The following BLZF1 variants were observed in gnomAD, a reference collection of about 807,000 sequenced individuals.
BLZF1 encodes the protein basic leucine zipper nuclear factor 1, also known as golgin-45.
BLZF1 carries 39 observed loss-of-function variants against 43.8 expected under a neutral mutation model. That is an observed-to-expected ratio of 0.89 (90% CI 0.69 to 1.16). BLZF1 has a LOEUF of 1.16. Among genes scored for constraint, BLZF1 ranks in the 50% most tolerant of loss-of-function variants. The pLI is 0.00. For synonymous variants in BLZF1, 136 were observed against 159.4 expected, an observed-to-expected ratio of 0.85 and a Z score of 1.11; for missense variants, 449 against 469.8, an observed-to-expected ratio of 0.96 and a Z score of 0.41.
chr1:169,369,276 C>T (rs1260322096), intron 1 of BLZF1, among the ~76,000 whole-genome samples, 197 bp from the exon 2 acceptor site: 1 of 101,438 alleles, frequency 9.9e-6, no homozygotes, highest in East Asian at 3.8e-4. Flanking sequence ...AAGTAAACCA[C>T]CCCTAATTTT....
At chr1:169,375,393 C>A (rs1395103251) in intron 2 of BLZF1, among the ~76,000 whole-genome samples, 3 of 85,834 alleles carry the variant, frequency 3.5e-5, no homozygotes, top group Admixed American at 1.1e-4. Context: ...ATATATAAAA[C>A]ATATATATAT....
At chr1:169,386,389 A>G (rs1343460093) in intron 6 of BLZF1, among the ~76,000 whole-genome samples, 1 of 152,196 alleles carries the variant, frequency 6.6e-6, no homozygotes, top group Non-Finnish European at 1.5e-5. Context: ...AGGAAAAGAA[A>G]TTGACATCAC....
Position 169,388,229 on chromosome 1 carries a change from G to A in BLZF1, c.*1047G>A, listed in dbSNP as rs1436806620. On this transcript the variant is annotated 3_prime_UTR_variant, in exon 7 of 7. Coordinates refer to ENST00000367808, the MANE Select transcript of BLZF1 (RefSeq NM_001320973.2). ...CTGGTCAAATAATAATAATTTTAAT[G>A]TCAATGATTTTTTTTGTCTGACTCA... is the stretch of plus-strand genomic sequence containing the variant. 6.6e-6 allele frequency: 1 copy of A among 152,126 alleles called. No homozygotes were observed. The highest frequency in any genetic ancestry group is 1.5e-5 in the Non-Finnish European group (1 of 68,000). The allele number at this position is 152,126 out of a possible 1,614,324, so 9.4% of individuals were successfully genotyped here.
In BLZF1 at chr1:169,382,241, T is replaced by G. The variant is rs151227755; in HGVS notation, c.977T>G (p.Val326Gly). The change falls in exon 6 of 7, where the codon GTT becomes GGT. Residue 326 changes from valine to glycine, a missense_variant. Coordinates refer to ENST00000367808, the MANE Select transcript of BLZF1 (RefSeq NM_001320973.2). The part of the protein sequence containing the change: ...INNQKKIPST[V>G]EFCSTPAEKM... ...AATCAAAAAAAGATTCCATCAACAG[T>G]TGAATTCTGCAGCACCCCAGCTGAG... The G allele has an allele frequency of 2.5e-6, 4 of 1,613,640 alleles. No homozygotes were observed. The African/African-American group carries it at 5.3e-5, about 22-fold the overall frequency.
chr1:169,392,949 A>C (rs560178370), downstream of BLZF1, among the ~76,000 whole-genome samples: 55 of 152,264 alleles, frequency 3.6e-4, 1 homozygote, highest in African/African-American at 1.3e-3. Flanking sequence ...GCATCCTTTT[A>C]AAAAGAGAAA....
downstream of BLZF1, among the ~76,000 whole-genome samples, chr1:169,389,627 A>C (rs1182568955): frequency 6.6e-6 from 1 of 152,268 alleles, no homozygotes; most frequent in Non-Finnish European, 1.5e-5. Flanking sequence ...AAAAGAAAGC[A>C]GAAACTAGAA....
chr1:169,380,584 C>T lies in BLZF1; in HGVS notation c.772C>T (p.Arg258Cys), dbSNP rs138245508. 158 of 1,612,562 alleles carry T rather than the reference C, an allele frequency of 9.8e-5. No homozygotes were observed. Among genetic ancestry groups the T allele is most frequent in the Non-Finnish European group, 1.2e-4 (140 of 1,179,012 alleles). Residue 258 changes from arginine to cysteine, a missense_variant, in exon 5 of 7, where the codon CGT becomes TGT. By Grantham distance (180) the Arg-to-Cys change is radical. Transcript: ENST00000367808. ...TCTCCTAAGTGAACGGGAACAGTTTCGTCAAGAAATGATAGCTACCCAGAA... is the reference window on the plus strand; with the variant it reads ...TCTCCTAAGTGAACGGGAACAGTTTTGTCAAGAAATGATAGCTACCCAGAA... ...QDLLSEREQF[R>C]QEMIATQKLL... is the part of the protein sequence containing the mutation.
In BLZF1 at chr1:169,376,803, A is replaced by G; in HGVS notation, c.292A>G (p.Lys98Glu). Residue 98 changes from lysine (K) to glutamate (E), a missense_variant, in exon 3 of 7, where the codon AAG (lysine) becomes GAG (glutamate). Lys to Glu is a moderately conservative substitution (Grantham distance 56). Coordinates refer to ENST00000367808, the MANE Select transcript of BLZF1 (RefSeq NM_001320973.2). ...TCATGATATCCCCAACAAAAATACA[A>G]AGGTTAAGTCTCTGGGACATCATAA... Reference protein sequence around the residue: ...ITHDIPNKNTKVKSLGHHKGE... With the variant: ...ITHDIPNKNTEVKSLGHHKGE... 1 of 1,613,434 alleles carries G rather than the reference A, an allele frequency of 6.2e-7. No homozygotes were observed.
At chr1:169,375,773 T>C (rs749811156) in intron 2 of BLZF1, among the ~76,000 whole-genome samples, 5 of 151,498 alleles carry the variant, frequency 3.3e-5, no homozygotes, top group Non-Finnish European at 5.9e-5. Flanking sequence ...CTTGTTATCA[T>C]TCATTTATTG....
At chr1:169,375,422 A>C (rs1173029359) in intron 2 of BLZF1, among the ~76,000 whole-genome samples, 1 of 123,690 alleles carries the variant, frequency 8.1e-6, no homozygotes, top group African/African-American at 3.2e-5. Flanking sequence ...ATATATATAT[A>C]TATATATATG....
At chr1:169,392,776 A>C (rs1157483967), downstream of BLZF1, among the ~76,000 whole-genome samples, 6 of 152,262 alleles carry the variant, frequency 3.9e-5, no homozygotes, top group East Asian at 9.6e-4. Context: ...CCAATGATTT[A>C]ATCAGTCATG....
At chr1:169,389,171 G>A (rs1179186807), downstream of BLZF1, among the ~76,000 whole-genome samples, 4 of 150,882 alleles carry the variant, frequency 2.7e-5, no homozygotes, top group Non-Finnish European at 5.9e-5. Context: ...GTGGACGCCT[G>A]TATACCCAGC....
chr1:169,393,308 C>T (rs1654862334), intron 7 of BLZF1, among the ~76,000 whole-genome samples: 1 of 151,932 alleles, frequency 6.6e-6, no homozygotes. Context: ...ATCAAACTGG[C>T]CAGGTGCAGT....
intron 2 of BLZF1, among the ~76,000 whole-genome samples, chr1:169,369,991 T>C (rs1473888611): frequency 6.6e-6 from 1 of 152,204 alleles, no homozygotes. Context: ...CTCTCAGTTC[T>C]GGAGGCTAGA....
At chr1:169,390,899 A>G (rs1265427260), downstream of BLZF1, among the ~76,000 whole-genome samples, 1 of 152,238 alleles carries the variant, frequency 6.6e-6, no homozygotes, top group Non-Finnish European at 1.5e-5. Context: ...ACAAGCATGC[A>G]CACATGCACA....
chr1:169,378,446 T>C lies in BLZF1; in HGVS notation c.585T>C (p.Gly195=), dbSNP rs777810846. 3.7e-6 allele frequency: 6 copies of C among 1,612,970 alleles called. 1 individual carries two copies. The South Asian group carries it at 5.5e-5, about 15-fold the overall frequency. ...NQLILENEAL[G]RNTAQLSEQL... ...TTATTTTAGAAAATGAAGCCCTAGG[T>C]CGAAACACAGCTCAGCTTTCTGAAC... Residue 195 remains glycine, a synonymous_variant, in exon 4 of 7, where the codon GGT becomes GGC. Coordinates refer to ENST00000367808, the MANE Select transcript of BLZF1 (RefSeq NM_001320973.2).
chr1:169,380,734 A>G (rs1654499717), intron 5 of BLZF1, 125 bp downstream of exon 5: 1 of 1,070,900 alleles, frequency 9.3e-7, no homozygotes, highest in African/African-American at 1.6e-5. Flanking sequence ...CTTACTGAGC[A>G]TATACTTTTA....
chr1:169,392,611 G>A (rs1276812268), downstream of BLZF1, among the ~76,000 whole-genome samples: 2 of 152,144 alleles, frequency 1.3e-5, no homozygotes, highest in East Asian at 1.9e-4. Flanking sequence ...AACATCCCAA[G>A]TCCCCAAGCT....
chr1:169,369,343 G>A (rs1654023255), intron 1 of BLZF1, 130 bp from the exon 2 acceptor site: 2 of 493,240 alleles, frequency 4.1e-6, no homozygotes, highest in Non-Finnish European at 7.2e-6. Flanking sequence ...GGGATATAAG[G>A]GACATTTCTC....
Sources: allele counts gnomAD v4.1 joint callset (sites outside exome capture counted in the v4.1 genomes callset), GRCh38; gene constraint gnomAD v4.1.1; transcripts MANE v1.5; gene names NCBI Gene and HGNC (gene_info 2026-07-23, HGNC 2026-07-21).